DLC1: variants seen among roughly 807,000 people sequenced by gnomAD.
The protein encoded by DLC1 is rho GTPase-activating protein 7.
In DLC1, 54 loss-of-function variants were observed where a neutral mutation model predicts 140.3. The ratio of observed to expected loss-of-function variants is 0.38; its 90% CI spans 0.31 to 0.48. The LOEUF (loss-of-function observed/expected upper bound fraction) is 0.48. Ranked by LOEUF, DLC1 falls within the 20% of genes least tolerant of loss-of-function variation. DLC1 has a pLI of 0.96. For missense variants in DLC1, 2,536 were observed against 1,907.0 expected, an observed-to-expected ratio of 1.33 and a Z score of -6.14; for synonymous variants, 986 against 728.1, an observed-to-expected ratio of 1.35 and a Z score of -5.70.
chr8:13,488,870 A>T (rs1314257851), intron 2 of DLC1, among the ~76,000 whole-genome samples: 1 of 152,242 alleles, frequency 6.6e-6, no homozygotes, highest in East Asian at 1.9e-4. Flanking sequence ...TACACCACAC[A>T]TAGCAAAGTG....
At chr8:13,181,714 A>T (rs984188386) in intron 5 of DLC1, among the ~76,000 whole-genome samples, 1 of 151,910 alleles carries the variant, frequency 6.6e-6, no homozygotes, top group Admixed American at 6.6e-5. Flanking sequence ...TATGTGCCAC[A>T]TTTTCTTAAT....
intron 5 of DLC1, among the ~76,000 whole-genome samples, chr8:13,158,012 G>A: frequency 6.6e-6 from 1 of 152,212 alleles, no homozygotes; most frequent in Non-Finnish European, 1.5e-5. Flanking sequence ...TCAGGGTTTG[G>A]AACTTGTGCA....
At chr8:13,158,697 C>G (rs1458955393) in intron 5 of DLC1, among the ~76,000 whole-genome samples, 1 of 134,214 alleles carries the variant, frequency 7.5e-6, no homozygotes, top group African/African-American at 2.8e-5. Context: ...CCTCAGTAAT[C>G]TTTATTGCTA....
intron 1 of DLC1, among the ~76,000 whole-genome samples, chr8:13,554,555 C>T (rs1803975305): frequency 6.6e-6 from 1 of 152,108 alleles, no homozygotes; most frequent in Non-Finnish European, 1.5e-5. Flanking sequence ...TTTCTATTTC[C>T]ACTCATGGTG....
At chr8:13,194,365 C>A (rs1826931625) in intron 5 of DLC1, among the ~76,000 whole-genome samples, 1 of 152,160 alleles carries the variant, frequency 6.6e-6, no homozygotes, top group African/African-American at 2.4e-5. Flanking sequence ...TCATCCCCTG[C>A]CCTTTACACA....
chr8:13,323,608 A>G (rs1162909451), intron 4 of DLC1, among the ~76,000 whole-genome samples: 2 of 152,218 alleles, frequency 1.3e-5, no homozygotes, highest in African/African-American at 2.4e-5. Flanking sequence ...TATATACAGA[A>G]TAATAAAAAT....
intron 1 of DLC1, chr8:13,567,331 G>GT (rs1380983148): frequency 2.6e-6 from 4 of 1,551,520 alleles, no homozygotes; most frequent in Non-Finnish European, 3.5e-6. Flanking sequence ...AATCACTCGG[G>GT]TATCAGATGA....
intron 5 of DLC1, among the ~76,000 whole-genome samples, chr8:13,263,063 A>C (rs1268391860): frequency 6.6e-6 from 1 of 152,182 alleles, no homozygotes; most frequent in Non-Finnish European, 1.5e-5. Flanking sequence ...TTGGCAAATT[A>C]ATGCTTCCTC....
At chr8:13,405,046 AT>A (rs112706602) in intron 2 of DLC1, among the ~76,000 whole-genome samples, 584 of 144,046 alleles carry the variant, frequency 4.1e-3, no homozygotes, top group Non-Finnish European at 4.2e-3. Context: ...CTTCTGGAGG[AT>A]TTTTTTTTTT....
At chr8:13,355,978 T>G (rs1204714860) in intron 4 of DLC1, among the ~76,000 whole-genome samples, 2 of 146,744 alleles carry the variant, frequency 1.4e-5, no homozygotes, top group East Asian at 4.1e-4. Context: ...TAGTCCCAGC[T>G]ACTCAGGAGG....
chr8:13,506,535 A>T (rs1802072501), intron 1 of DLC1, among the ~76,000 whole-genome samples: 1 of 145,382 alleles, frequency 6.9e-6, no homozygotes, highest in South Asian at 2.2e-4. Context: ...ATACACATAC[A>T]CACACATGGA....
intron 3 of DLC1, among the ~76,000 whole-genome samples, chr8:13,400,459 C>A (rs915431830): frequency 6.6e-6 from 1 of 152,266 alleles, no homozygotes; most frequent in African/African-American, 2.4e-5. Context: ...CTACAAAGTT[C>A]ATAATGTTAT....
chr8:13,540,680 C>G (rs974721335), intron 1 of DLC1, among the ~76,000 whole-genome samples: 1 of 152,148 alleles, frequency 6.6e-6, no homozygotes. Context: ...AAGTATGGCA[C>G]TAATTATTTC....
intron 5 of DLC1, among the ~76,000 whole-genome samples, chr8:13,273,670 G>A (rs1236833355): frequency 7.6e-6 from 1 of 131,778 alleles, no homozygotes; most frequent in Non-Finnish European, 1.6e-5. Context: ...TATCATTTGG[G>A]ATAGCAGAAC....
rs71207134 is a variant in DLC1 at position 13,233,293 on chromosome 8, T to TAAAAAAAAAAAAA, written c.1348+71963_1348+71975dup. Among the ~76,000 whole-genome samples the TAAAAAAAAAAAAA allele has an allele frequency of 1.4e-4, 10 of 70,388 alleles. 1 individual carries two copies. Among genetic ancestry groups the TAAAAAAAAAAAAA allele is most frequent in the African/African-American group, 5.8e-4 (10 of 17,300 alleles). The allele number at this position is 70,388 out of a possible 152,430, so 46.2% of individuals were successfully genotyped here. A position where few individuals can be genotyped will look rare whatever the true frequency, so the allele number is the denominator to read the frequency against. On this transcript the variant is annotated intron_variant, in intron 5 of 17. Transcript: ENST00000276297. ...CTGGGCGATAGAATAAGACTCTGTA[T>TAAAAAAAAAAAAA]AAAAAAAAAAAAAAAAAAAAAAAAA...
chr8:13,274,269 G>A (rs1011706284), intron 5 of DLC1, among the ~76,000 whole-genome samples: 4 of 152,214 alleles, frequency 2.6e-5, no homozygotes, highest in African/African-American at 4.8e-5. Flanking sequence ...TGAGCTTCCA[G>A]CCATGAGCCA....
intron 1 of DLC1, among the ~76,000 whole-genome samples, chr8:13,503,361 A>T (rs1178903220): frequency 6.6e-6 from 1 of 152,124 alleles, no homozygotes; most frequent in Admixed American, 6.5e-5. Context: ...CCATGATCGC[A>T]CCACTGCACT....
intron 2 of DLC1, among the ~76,000 whole-genome samples, chr8:13,466,751 A>G (rs758859789): frequency 2.1e-4 from 32 of 152,334 alleles, no homozygotes; most frequent in Admixed American, 3.9e-4. Context: ...CCTTTATCAT[A>G]CACCAAAGTT....
At chr8:13,235,113 T>C (rs559331242) in intron 5 of DLC1, among the ~76,000 whole-genome samples, 1 of 152,224 alleles carries the variant, frequency 6.6e-6, no homozygotes, top group East Asian at 1.9e-4. Context: ...AATTATTTAA[T>C]AATAAAAGCA....
Sources: allele counts gnomAD v4.1 joint callset (sites outside exome capture counted in the v4.1 genomes callset), GRCh38; gene constraint gnomAD v4.1.1; transcripts MANE v1.5; gene names NCBI Gene and HGNC (gene_info 2026-07-23, HGNC 2026-07-21).